The following BTN2A1 variants were observed in gnomAD, a reference collection of about 807,000 sequenced individuals.
BTN2A1 encodes butyrophilin subfamily 2 member A1.
A neutral mutation model predicts 34.5 loss-of-function variants in BTN2A1; 41 were observed. The observed-to-expected ratio is 1.19, with a 90% CI of 0.93 to 1.54. The LOEUF (loss-of-function observed/expected upper bound fraction) is 1.54. BTN2A1 is among the 40% of genes most tolerant of loss of function. BTN2A1 has a pLI of 0.00. For missense variants in BTN2A1, 642 were observed against 662.0 expected, an observed-to-expected ratio of 0.97 and a Z score of 0.33; for synonymous variants, 267 against 258.6, an observed-to-expected ratio of 1.03 and a Z score of -0.31.
intron 7 of BTN2A1, among the ~76,000 whole-genome samples, chr6:26,467,473 G>A (rs557427153): frequency 1.2e-4 from 18 of 152,094 alleles, no homozygotes; most frequent in Admixed American, 9.2e-4. Context: ...CACCATGCCC[G>A]GCTAATTTTT....
In BTN2A1 at chr6:26,468,030, C is replaced by CAA. The variant is rs1163839252; in HGVS notation, c.1066_1067insAA (p.Arg356LysfsTer4). On this transcript the variant is annotated frameshift_variant, in exon 8 of 8. Transcript: ENST00000312541. LOFTEE classifies it low-confidence loss of function (END_TRUNC). ...GGAGAAGTGTGAGAAGGTGCCCCTT[C>CAA]AGGCACCTAGGGGAGAGCGTGCCTG... is the stretch of plus-strand genomic sequence containing the variant. 1 of 1,614,114 alleles carries CAA rather than the reference C, an allele frequency of 6.2e-7. No individual in the cohort carries two copies. Among genetic ancestry groups the CAA allele is most frequent in the Non-Finnish European group, 8.5e-7 (1 of 1,180,054 alleles).
chr6:26,472,245 T>C (rs1238314532), downstream of BTN2A1, among the ~76,000 whole-genome samples: 1 of 152,138 alleles, frequency 6.6e-6, no homozygotes, highest in Non-Finnish European at 1.5e-5. Context: ...TACCAGCTGT[T>C]TTAGCCTCCC....
chr6:26,475,747 A>C (rs1763526891), intron 7 of BTN2A1, among the ~76,000 whole-genome samples: 1 of 152,306 alleles, frequency 6.6e-6, no homozygotes, highest in Admixed American at 6.5e-5. Flanking sequence ...ATCTCTAAAA[A>C]ATTAAAATAA....
At chr6:26,465,687 C>T in intron 5 of BTN2A1, 1 of 466,176 alleles carries the variant, frequency 2.1e-6, no homozygotes, top group Non-Finnish European at 2.8e-6. Flanking sequence ...TCTCTCAGAG[C>T]TTTCATTCTT....
Position 26,468,108 on chromosome 6 carries a change from C to G in BTN2A1, c.1143C>G (p.Phe381Leu), listed in dbSNP as rs369008204. 5.0e-6 allele frequency: 8 copies of G among 1,614,030 alleles called. No individual in the cohort carries two copies. The highest frequency in any genetic ancestry group is 2.7e-5 in the African/African-American group (2 of 74,910). ...SQPCVLGRESFASGKHYWEVE... is the reference protein window; with the variant it reads ...SQPCVLGRESLASGKHYWEVE... The stretch of plus-strand genomic sequence containing the variant: ...CTTGTGTCCTAGGCCGGGAGAGCTT[C>G]GCTTCAGGGAAACATTACTGGGAGG... The change falls in exon 8 of 8, where the codon TTC (phenylalanine) becomes TTG (leucine). Residue 381 changes from phenylalanine (F) to leucine (L), a missense_variant. Phe to Leu is a conservative substitution (Grantham distance 22). Coordinates refer to ENST00000312541, the MANE Select transcript of BTN2A1 (RefSeq NM_007049.5).
downstream of BTN2A1, among the ~76,000 whole-genome samples, chr6:26,472,259 AAAT>A (rs1185229921): frequency 3.3e-5 from 5 of 152,308 alleles, no homozygotes; most frequent in African/African-American, 1.2e-4. Context: ...GCCTCCCCTT[AAAT>A]AATCTGTCTG....
chr6:26,476,024 T>C, intron 7 of BTN2A1: 1 of 997,052 alleles, frequency 1.0e-6, no homozygotes, highest in Admixed American at 2.0e-5. Context: ...ATTATTATAG[T>C]TGAAAGATTT....
chr6:26,468,432 G>A lies in BTN2A1; in HGVS notation c.1467G>A (p.Arg489=), dbSNP rs3734544. The A allele has an allele frequency of 0.18, 285,129 of 1,613,984 alleles. 26,128 individuals are homozygous for A. The highest frequency in any genetic ancestry group is 0.21 in the African/African-American group (15,529 of 74,950). The change falls in exon 8 of 8, where the codon AGG becomes AGA. Residue 489 remains arginine (R), a synonymous_variant. Coordinates refer to ENST00000312541, the MANE Select transcript of BTN2A1 (RefSeq NM_007049.5). ...CCGTGCCTGTGAGGCCCTTCTTCAG[G>A]TTGGGGTGTGAGGACAGCCCCATCT... is the stretch of plus-strand genomic sequence containing the variant. The part of the protein sequence containing the change: ...AFSVPVRPFF[R]LGCEDSPIFI...
intron 7 of BTN2A1, among the ~76,000 whole-genome samples, chr6:26,467,558 T>A (rs373520651): frequency 6.6e-4 from 100 of 152,276 alleles, no homozygotes; most frequent in Admixed American, 2.0e-3. Context: ...GTGATCCACC[T>A]GCCTCAGCCT....
At position 26,467,939 on chromosome 6, in the gene BTN2A1, C is replaced by T. The variant is rs1436896349; in HGVS notation, c.983-9C>T. 1.9e-6 allele frequency: 3 copies of T among 1,608,870 alleles called. No homozygotes were observed. Among genetic ancestry groups the T allele is most frequent in the Admixed American group, 1.7e-5 (1 of 59,774 alleles). On this transcript the variant is annotated splice_polypyrimidine_tract_variant and intron_variant, in intron 7 of 7. Coordinates refer to ENST00000312541, the MANE Select transcript of BTN2A1 (RefSeq NM_007049.5). ...GACCCCAGGCCTAAACCTGAGACTT[C>T]CTCTGCAGTTGATGTGGTCCTGGAT...
downstream of BTN2A1, among the ~76,000 whole-genome samples, chr6:26,473,918 TGA>T: frequency 6.6e-6 from 1 of 152,310 alleles, no homozygotes; most frequent in East Asian, 1.9e-4. Context: ...CAGCAACTGA[TGA>T]GAAATGGTAC....
At position 26,459,536 on chromosome 6, in the gene BTN2A1, C is replaced by T; in HGVS notation, c.138C>T (p.Asn46=). The T allele has an allele frequency of 6.2e-7, 1 of 1,613,964 alleles. No individual in the cohort carries two copies. The highest frequency in any genetic ancestry group is 8.5e-7 in the Non-Finnish European group (1 of 1,179,920). The part of the protein sequence containing the change: ...TDPILATVGE[N]TTLRCHLSPE... ...CCATCTTGGCCACGGTTGGAGAAAA[C>T]ACTACGTTACGCTGCCATCTGTCAC... The change falls in exon 3 of 8, where the codon AAC becomes AAT. Residue 46 remains asparagine (N), a synonymous_variant. Coordinates refer to ENST00000312541, the MANE Select transcript of BTN2A1 (RefSeq NM_007049.5).
In BTN2A1 at chr6:26,463,325, A is replaced by T; in HGVS notation, c.512A>T (p.Tyr171Phe). The change falls in exon 4 of 8, where the codon TAC becomes TTC. Residue 171 changes from tyrosine to phenylalanine, a missense_variant. Physicochemically the swap from Tyr to Phe is conservative, Grantham distance 22. Transcript: ENST00000312541. Reference protein sequence around the residue: ...IRLECISRGWYPKPLTVWRDP... With the variant: ...IRLECISRGWFPKPLTVWRDP... ...CTGGAGTGCATATCTAGAGGGTGGT[A>T]CCCAAAGCCCCTCACAGTGTGGAGG... is the stretch of plus-strand genomic sequence containing the variant. The T allele has an allele frequency of 6.2e-7, 1 of 1,613,856 alleles. No homozygotes were observed.
downstream of BTN2A1, among the ~76,000 whole-genome samples, chr6:26,470,365 G>A (rs1410872399): frequency 3.3e-5 from 5 of 151,516 alleles, no homozygotes; most frequent in Non-Finnish European, 7.4e-5. Flanking sequence ...GAGGGGGAGG[G>A]AACTTATGTC....
At position 26,463,474 on chromosome 6, in the gene BTN2A1, ATC is replaced by A. The variant is rs1763228073; in HGVS notation, c.662_663del (p.Ile221LysfsTer65). 6.2e-7 allele frequency: 1 copy of A among 1,613,984 alleles called. No individual in the cohort carries two copies. The highest frequency in any genetic ancestry group is 8.5e-7 in the Non-Finnish European group (1 of 1,180,004). ...GTCTGTGAGGAACATGTCCTGCTCT[ATC>A]AACAACACCCTGCTCGGCCAGAAGA... ...DKSVRNMSCS[I>X]NNTLLGQKKE... is the part of the protein sequence containing the mutation. On this transcript the variant is annotated frameshift_variant, in exon 4 of 8. Coordinates refer to ENST00000312541, the MANE Select transcript of BTN2A1 (RefSeq NM_007049.5). LOFTEE classifies it high-confidence loss of function.
rs184384844 is a variant in BTN2A1, at chr6:26,460,428, G to A, written c.430+600G>A. On this transcript the variant is annotated intron_variant, in intron 3 of 7. Transcript: ENST00000312541. ...TAAATAGATGGTTTTATTAAACCAAGACGAAATACAGAAGCAAAATTATAT... is the reference window on the plus strand; with the variant it reads ...TAAATAGATGGTTTTATTAAACCAAAACGAAATACAGAAGCAAAATTATAT... Among the ~76,000 whole-genome samples, 867 of 152,306 alleles carry A rather than the reference G, an allele frequency of 5.7e-3. 5 individuals are homozygous for A. Among genetic ancestry groups the A allele is most frequent in the African/African-American group, 0.016 (673 of 41,558 alleles).
rs558905007 is a variant in BTN2A1 at position 26,476,264 on chromosome 6, G to A, written c.*132G>A. The stretch of plus-strand genomic sequence containing the variant: ...TGACCAGAGCACTCCAAGTTGGAAA[G>A]AACTGCTGAGCGGGTCTGTAGAGCC... On this transcript the variant is annotated 3_prime_UTR_variant, in exon 8 of 8. Transcript: ENST00000469185. 48 of 1,280,526 alleles carry A rather than the reference G, an allele frequency of 3.7e-5. 1 individual carries two copies. Among genetic ancestry groups the A allele is most frequent in the African/African-American group, 1.9e-4 (13 of 67,754 alleles). The allele number at this position is 1,280,526 out of a possible 1,614,324, so 79.3% of individuals were successfully genotyped here. A position where few individuals can be genotyped will look rare whatever the true frequency, so the allele number is the denominator to read the frequency against.
chr6:26,460,047 A>G (rs1763121834), intron 3 of BTN2A1, among the ~76,000 whole-genome samples: 1 of 152,192 alleles, frequency 6.6e-6, no homozygotes, highest in Non-Finnish European at 1.5e-5. Flanking sequence ...CTTCTTGAGA[A>G]GCACATGCAG....
In BTN2A1 at chr6:26,469,106, T is replaced by C. The variant is rs1251797384; in HGVS notation, c.*557T>C. On this transcript the variant is annotated 3_prime_UTR_variant, in exon 8 of 8. Coordinates refer to ENST00000312541, the MANE Select transcript of BTN2A1 (RefSeq NM_007049.5). ...AGGGGACCTGGGAGATGATGGCTCA[T>C]TTCCACCCAGCCCCAGGATTTCCAG... 9.1e-7 allele frequency: 1 copy of C among 1,099,134 alleles called. No homozygotes were observed. The highest frequency in any genetic ancestry group is 6.9e-5 in the East Asian group (1 of 14,498). The allele number at this position is 1,099,134 out of a possible 1,614,324, so 68.1% of individuals were successfully genotyped here.
Sources: allele counts gnomAD v4.1 joint callset (sites outside exome capture counted in the v4.1 genomes callset), GRCh38; gene constraint gnomAD v4.1.1; transcripts MANE v1.5; gene names NCBI Gene and HGNC (gene_info 2026-07-23, HGNC 2026-07-21).